Variants in FCF1 observed in about 807,000 individuals in gnomAD.
The protein encoded by FCF1 is rRNA-processing protein FCF1 homolog.
In FCF1, 17 loss-of-function variants were observed where a neutral mutation model predicts 32.5. The ratio of observed to expected loss-of-function variants is 0.52; its 90% CI spans 0.36 to 0.78. The LOEUF (loss-of-function observed/expected upper bound fraction) is 0.78. Among genes scored for constraint, FCF1 ranks in the 30% least tolerant of loss-of-function variants. The pLI is 0.00. For missense variants in FCF1, 201 were observed against 241.1 expected (o/e 0.83, Z 1.10); for synonymous variants, 84 against 78.4 (o/e 1.07, Z -0.38).
At position 74,738,445 on chromosome 14, in the gene FCF1, T is replaced by A. The variant is rs1245235842; in HGVS notation, c.*3515T>A. ...AATATATTAAAATTATAGATTTCTG[T>A]GCAAGACACTCCCCTCCCCTAAAAA... is the stretch of plus-strand genomic sequence containing the variant. On this transcript the variant is annotated 3_prime_UTR_variant, in exon 8 of 8. Transcript: ENST00000341162. 1 of 152,234 alleles carries A rather than the reference T, an allele frequency of 6.6e-6. No homozygotes were observed. Among genetic ancestry groups the A allele is most frequent in the Non-Finnish European group, 1.5e-5 (1 of 68,044 alleles). 9.4% of individuals were successfully genotyped at this position (152,234 alleles called of 1,614,324 possible).
At position 74,736,673 on chromosome 14, in the gene FCF1, G is replaced by A. The variant is rs1165443776; in HGVS notation, c.*1743G>A. 6.6e-6 allele frequency: 1 copy of A among 152,026 alleles called. No individual in the cohort carries two copies. Among genetic ancestry groups the A allele is most frequent in the Non-Finnish European group, 1.5e-5 (1 of 68,016 alleles). The allele number at this position is 152,026 out of a possible 1,614,324, so 9.4% of individuals were successfully genotyped here. A position where few individuals can be genotyped will look rare whatever the true frequency, so the allele number is the denominator to read the frequency against. ...CCATACATTTATACAATTATAAATT[G>A]TCAATTTACAATAAAAAATTTTTGT... On this transcript the variant is annotated 3_prime_UTR_variant, in exon 8 of 8. Coordinates refer to ENST00000341162, the MANE Select transcript of FCF1 (RefSeq NM_015962.5).
chr14:74,715,760 G>A (rs540158788), intron 3 of FCF1, 191 bp from the exon 4 acceptor site: 21 of 1,299,364 alleles, frequency 1.6e-5, no homozygotes, highest in South Asian at 1.5e-4. Flanking sequence ...GGTGACAAAG[G>A]TTGCCAGGGG....
chr14:74,728,688 A>G (rs985118048), intron 5 of FCF1, among the ~76,000 whole-genome samples: 2 of 152,144 alleles, frequency 1.3e-5, no homozygotes, highest in Non-Finnish European at 2.9e-5. Context: ...CCAGTTTTCA[A>G]AGGGAATGCT....
intron 7 of FCF1, 129 bp downstream of exon 7, chr14:74,734,299 G>C: frequency 3.5e-6 from 2 of 576,442 alleles, no homozygotes; most frequent in Non-Finnish European, 6.1e-6. Context: ...AGTTATATTT[G>C]AAGAAATGAG....
Position 74,713,174 on chromosome 14 carries a change from A to C in FCF1, c.-24A>C. 1 of 1,614,192 alleles carries C rather than the reference A, an allele frequency of 6.2e-7. No individual in the cohort carries two copies. The highest frequency in any genetic ancestry group is 8.5e-7 in the Non-Finnish European group (1 of 1,180,036). ...AGTATTGCGCCGTTGGTGATTACGG[A>C]AGAACCAGGAGTTTGGCGTGACCAT... On this transcript the variant is annotated 5_prime_UTR_variant, in exon 1 of 8. Transcript: ENST00000341162.
chr14:74,727,041 AT>A (rs1176177966), intron 5 of FCF1, among the ~76,000 whole-genome samples: 2 of 152,062 alleles, frequency 1.3e-5, no homozygotes, highest in Non-Finnish European at 2.9e-5. Flanking sequence ...AGTCTTTACT[AT>A]TGTGAATAAT....
intron 6 of FCF1, 40 bp downstream of exon 6, chr14:74,732,858 A>C (rs781686090): frequency 1.7e-6 from 2 of 1,171,514 alleles, no homozygotes; most frequent in Non-Finnish European, 2.5e-6. Flanking sequence ...TGCTTAAAAA[A>C]AAAAAATGTA....
chr14:74,713,914 G>A (rs919230283), intron 2 of FCF1, among the ~76,000 whole-genome samples: 7 of 152,164 alleles, frequency 4.6e-5, no homozygotes, highest in Non-Finnish European at 7.3e-5. Context: ...GTTGAAAGAT[G>A]GCAAGGTTAG....
chr14:74,734,239 G>T (rs2090676684), intron 7 of FCF1, 69 bp downstream of exon 7: 3 of 896,718 alleles, frequency 3.3e-6, no homozygotes, highest in Non-Finnish European at 5.4e-6. Context: ...GAGGATAAGT[G>T]ATAAGGTTAT....
intron 6 of FCF1, among the ~76,000 whole-genome samples, chr14:74,733,203 C>A (rs1040638728): frequency 2.0e-5 from 3 of 152,180 alleles, no homozygotes; most frequent in Non-Finnish European, 4.4e-5. Flanking sequence ...TTCCTCTTCA[C>A]GATGCCTAAT....
chr14:74,731,537 A>G (rs1012162781), intron 5 of FCF1, among the ~76,000 whole-genome samples: 1 of 152,118 alleles, frequency 6.6e-6, no homozygotes, highest in African/African-American at 2.4e-5. Flanking sequence ...TACCTGTGTC[A>G]TCACACTCGT....
rs761625046 is a variant in FCF1 at position 74,713,466 on chromosome 14, C to A, written c.4-19C>A. Reference sequence around the variant, plus strand: ...CCGTGTGTTTCCAACTTTTTTAATTCTAAAATTTCTGTTTCAAGGGGAAGC... The same window carrying A: ...CCGTGTGTTTCCAACTTTTTTAATTATAAAATTTCTGTTTCAAGGGGAAGC... On this transcript the variant is annotated intron_variant, in intron 1 of 7. Transcript: ENST00000341162. 4.3e-6 allele frequency: 7 copies of A among 1,611,576 alleles called. No homozygotes were observed. The highest frequency in any genetic ancestry group is 3.3e-5 in the South Asian group (3 of 90,924).
intron 5 of FCF1, among the ~76,000 whole-genome samples, chr14:74,732,205 G>A (rs920190115): frequency 2.8e-4 from 43 of 152,066 alleles, no homozygotes; most frequent in African/African-American, 9.9e-4. Context: ...ACAGTTTAGT[G>A]TAGGTCCTTC....
chr14:74,725,431 G>C (rs1204241761), intron 5 of FCF1, among the ~76,000 whole-genome samples: 4 of 140,288 alleles, frequency 2.9e-5, no homozygotes, highest in Admixed American at 1.5e-4. Context: ...AGTGAGCTGA[G>C]GTCATGCCAC....
At chr14:74,729,775 T>C (rs2090611259) in intron 5 of FCF1, among the ~76,000 whole-genome samples, 1 of 152,200 alleles carries the variant, frequency 6.6e-6, no homozygotes, top group South Asian at 2.1e-4. Flanking sequence ...CTGCTTTGAA[T>C]GCGTCCCAGA....
At position 74,734,985 on chromosome 14, in the gene FCF1, A is replaced by G; in HGVS notation, c.*55A>G. 7.2e-7 allele frequency: 1 copy of G among 1,391,242 alleles called. No homozygotes were observed. Among genetic ancestry groups the G allele is most frequent in the Non-Finnish European group, 1.0e-6 (1 of 978,088 alleles). The allele number at this position is 1,391,242 out of a possible 1,614,324, so 86.2% of individuals were successfully genotyped here. On this transcript the variant is annotated 3_prime_UTR_variant, in exon 8 of 8. Coordinates refer to ENST00000341162, the MANE Select transcript of FCF1 (RefSeq NM_015962.5). ...CTTCGACCAACTTTCTCTTGTTGCCAGTTCATTACACAAAATGTAGCGGGA... is the reference window on the plus strand; with the variant it reads ...CTTCGACCAACTTTCTCTTGTTGCCGGTTCATTACACAAAATGTAGCGGGA...
intron 4 of FCF1, among the ~76,000 whole-genome samples, chr14:74,716,557 GT>G (rs2090423689): frequency 6.6e-6 from 1 of 152,152 alleles, no homozygotes; most frequent in African/African-American, 2.4e-5. Context: ...AGTTTATTCA[GT>G]TTGGTATTTA....
At chr14:74,734,409 G>A in intron 7 of FCF1, among the ~76,000 whole-genome samples, 1 of 151,630 alleles carries the variant, frequency 6.6e-6, no homozygotes. Context: ...TAGACGTATT[G>A]TTTTAAATAA....
At chr14:74,729,296 T>C (rs2090606687) in intron 5 of FCF1, among the ~76,000 whole-genome samples, 2 of 152,062 alleles carry the variant, frequency 1.3e-5, no homozygotes, top group Admixed American at 1.3e-4. Flanking sequence ...TATTGGTCTA[T>C]TCAGAGATTC....
Sources: gnomAD v4.1 joint callset for allele counts (sites outside exome capture counted in the v4.1 genomes callset) on GRCh38, gnomAD v4.1.1 for gene constraint, MANE v1.5 for transcripts, NCBI Gene and HGNC (gene_info 2026-07-23, HGNC 2026-07-21) for gene names.